The following CSF2RA variants were observed in gnomAD, a reference collection of about 807,000 sequenced individuals.
CSF2RA encodes colony stimulating factor 2 receptor subunit alpha.
Under a neutral mutation model 51.6 loss-of-function variants are expected in CSF2RA, and 42 were observed. The observed-to-expected ratio is 0.81, with a 90% CI of 0.64 to 1.05. The LOEUF (loss-of-function observed/expected upper bound fraction) is 1.05, where lower values mean the gene tolerates loss of function less well. CSF2RA is among the 50% of genes least tolerant of loss of function. The probability of loss-of-function intolerance (pLI) is 0.00; values close to 1 mark genes in which losing one functional copy is unlikely to be tolerated. For synonymous variants in CSF2RA, 222 were observed against 193.0 expected, an observed-to-expected ratio of 1.15 and a Z score of -1.24; for missense variants, 530 against 501.1, an observed-to-expected ratio of 1.06 and a Z score of -0.55.
At chrX:1,305,933 T>A (rs1400098664) in intron 12 of CSF2RA, 1 of 749,282 alleles carries the variant, frequency 1.3e-6, no homozygotes, top group Admixed American at 2.6e-5. Context: ...ATACAAAAAA[T>A]TAGCTGGGTG....
At chrX:1,311,021 G>A (rs1191875298), downstream of CSF2RA, among the ~76,000 whole-genome samples, 5 of 152,070 alleles carry the variant, frequency 3.3e-5, no homozygotes, top group Non-Finnish European at 7.4e-5. Flanking sequence ...GCCGAGGCTG[G>A]TGGATTGCCT....
chrX:1,302,211 C>T lies in CSF2RA; in HGVS notation c.946+1585C>T, dbSNP rs1304187866. Among the ~76,000 whole-genome samples the T allele has an allele frequency of 2.0e-5, 3 of 152,176 alleles. No homozygotes were observed. The East Asian group carries it at 5.8e-4, about 29-fold the overall frequency. On this transcript the variant is annotated intron_variant, in intron 10 of 12. Transcript: ENST00000381529. ...AATGACAGGCGTGAGCCACCCTGCC[C>T]GTCCGGGGAAGCTCTCTTCAAAGCC...
At chrX:1,318,963 G>C in the CSF2RA span, among the ~76,000 whole-genome samples, 2 of 150,462 alleles carry the variant, frequency 1.3e-5, no homozygotes, top group Admixed American at 6.6e-5. Context: ...TCGCCCCCTG[G>C]TGATGATGAT....
chrX:1,280,617 C>T (rs769715534), intron 2 of CSF2RA, among the ~76,000 whole-genome samples: 2 of 151,732 alleles, frequency 1.3e-5, no homozygotes, highest in African/African-American at 4.9e-5. Flanking sequence ...GTAGCTCCTC[C>T]TCCTTCTCTT....
intron 10 of CSF2RA, chrX:1,303,484 C>A: frequency 2.2e-6 from 1 of 452,292 alleles, no homozygotes; most frequent in Non-Finnish European, 3.9e-6. Context: ...AGATGATGCG[C>A]CCGCCTCGGC....
intron 6 of CSF2RA, 156 bp downstream of exon 6, chrX:1,289,044 C>A: frequency 1.0e-6 from 1 of 986,528 alleles, no homozygotes; most frequent in Non-Finnish European, 1.5e-6. Flanking sequence ...TCACTGCAAC[C>A]TCGACCTCCT....
At chrX:1,280,647 C>CCTTCCTCCT (rs1336405475) in intron 2 of CSF2RA, among the ~76,000 whole-genome samples, 5 of 147,888 alleles carry the variant, frequency 3.4e-5, no homozygotes, top group African/African-American at 5.0e-5. Context: ...CCTTCTCCCC[C>CCTTCCTCCT]CTTCCTCCTC....
rs1392587306 is a variant in CSF2RA at position 1,291,311 on chromosome X, C to T, written c.646+802C>T. 9.1e-5 allele frequency among the ~76,000 whole-genome samples: 13 copies of T among 142,920 alleles called. No individual in the cohort carries two copies. In the East Asian group the frequency reaches 2.8e-3, roughly 31 times the overall value. The allele number at this position is 142,920 out of a possible 152,430, so 93.8% of individuals were successfully genotyped here. A position where few individuals can be genotyped will look rare whatever the true frequency, so the allele number is the denominator to read the frequency against. On this transcript the variant is annotated intron_variant, in intron 7 of 12. Coordinates refer to ENST00000381529, the MANE Select transcript of CSF2RA (RefSeq NM_172245.4). ...CTTCCTTCCTTCCTTCCCTCCCTCC[C>T]TCCTTTCCTTCCTTCCTTCCTCCTT...
At chrX:1,303,856 A>T in intron 10 of CSF2RA, 67 bp from the exon 11 acceptor site, 1 of 1,328,728 alleles carries the variant, frequency 7.5e-7, no homozygotes, top group Non-Finnish European at 1.1e-6. Context: ...ACACCCGAAG[A>T]GATTTAATTT....
At position 1,307,847 on chromosome X, in the gene CSF2RA, A is replaced by G. The variant is rs1286937825; in HGVS notation, c.1126-1555A>G. Among the ~76,000 whole-genome samples the G allele has an allele frequency of 3.7e-5, 5 of 136,358 alleles. 1 individual carries two copies. The highest frequency in any genetic ancestry group is 3.7e-4 in the Admixed American group (5 of 13,672). The allele number at this position is 136,358 out of a possible 152,430, so 89.5% of individuals were successfully genotyped here. A position where few individuals can be genotyped will look rare whatever the true frequency, so the allele number is the denominator to read the frequency against. ...CTACCCTTCTCCCTTTAGACCTTTG[A>G]CTGATTAGATGAGGCCTACCCTTCT... On this transcript the variant is annotated intron_variant, in intron 12 of 12. Coordinates refer to ENST00000381529, the MANE Select transcript of CSF2RA (RefSeq NM_172245.4).
At chrX:1,306,420 G>A (rs1246252994) in intron 12 of CSF2RA, among the ~76,000 whole-genome samples, 2 of 152,044 alleles carry the variant, frequency 1.3e-5, no homozygotes, top group Non-Finnish European at 2.9e-5. Flanking sequence ...GCCGAGGCGG[G>A]TGGATCACTT....
At chrX:1,322,741 G>A in the CSF2RA span, among the ~76,000 whole-genome samples, 1 of 151,862 alleles carries the variant, frequency 6.6e-6, no homozygotes, top group African/African-American at 2.4e-5. Context: ...AAATTGTAGT[G>A]CGTTGAACAG....
chrX:1,299,122 G>A (rs1342763039), intron 9 of CSF2RA, among the ~76,000 whole-genome samples: 6 of 152,124 alleles, frequency 3.9e-5, no homozygotes, highest in South Asian at 4.1e-4. Flanking sequence ...CTCAACCTTC[G>A]TGTCCCAATG....
the CSF2RA span, among the ~76,000 whole-genome samples, chrX:1,321,619 T>TG: frequency 2.0e-5 from 3 of 150,368 alleles, no homozygotes; most frequent in African/African-American, 7.3e-5. Flanking sequence ...AGTACACGCT[T>TG]GGGGGTTAAC....
chrX:1,291,666 G>T (rs1377873899), intron 7 of CSF2RA, among the ~76,000 whole-genome samples: 1 of 151,724 alleles, frequency 6.6e-6, no homozygotes, highest in Non-Finnish European at 1.5e-5. Context: ...CTCCCACCCT[G>T]GAACCCCTGC....
At chrX:1,273,805 T>A (rs1381342556) in intron 1 of CSF2RA, among the ~76,000 whole-genome samples, 7 of 149,524 alleles carry the variant, frequency 4.7e-5, no homozygotes, top group East Asian at 2.0e-4. Context: ...TCACTGTGTT[T>A]GCCAGGATGG....
chrX:1,316,918 T>A, the CSF2RA span, among the ~76,000 whole-genome samples: 3 of 152,330 alleles, frequency 2.0e-5, no homozygotes, highest in South Asian at 6.2e-4. Flanking sequence ...ACTAGATAGA[T>A]TACTAAGAAA....
intron 11 of CSF2RA, among the ~76,000 whole-genome samples, chrX:1,305,022 C>A (rs1307729700): frequency 7.2e-6 from 1 of 139,342 alleles, no homozygotes; most frequent in Non-Finnish European, 1.5e-5. Context: ...GAGATGGAGT[C>A]TCACTCTGTC....
Position 1,290,522 on chromosome X carries a change from C to G in CSF2RA, c.646+13C>G. The G allele has an allele frequency of 6.2e-7, 1 of 1,611,922 alleles. No homozygotes were observed. Among genetic ancestry groups the G allele is most frequent in the African/African-American group, 1.3e-5 (1 of 74,962 alleles). On this transcript the variant is annotated intron_variant, in intron 7 of 12. Transcript: ENST00000381529. Reference sequence around the variant, plus strand: ...ACAAAGAAAATAGGTGAGAATAACACATATGATTTTCCTATTGTTTATAGG... The same window carrying G: ...ACAAAGAAAATAGGTGAGAATAACAGATATGATTTTCCTATTGTTTATAGG...
Sources: allele counts gnomAD v4.1 joint callset (sites outside exome capture counted in the v4.1 genomes callset), GRCh38; gene constraint gnomAD v4.1.1; transcripts MANE v1.5; gene names NCBI Gene and HGNC (gene_info 2026-07-23, HGNC 2026-07-21).